FYN: variants seen among roughly 807,000 people sequenced by gnomAD.
The protein encoded by FYN is tyrosine-protein kinase Fyn.
FYN carries 10 observed loss-of-function variants against 70.2 expected under a neutral mutation model. The ratio of observed to expected loss-of-function variants is 0.14; its 90% confidence interval spans 0.09 to 0.24. FYN has a LOEUF of 0.24. Ranked by LOEUF, FYN falls within the 10% of genes least tolerant of loss-of-function variation. The probability of loss-of-function intolerance (pLI) is 1.00; values close to 1 mark genes in which losing one functional copy is unlikely to be tolerated. For synonymous variants in FYN, 236 were observed against 248.6 expected (o/e 0.95, Z 0.48); for missense variants, 319 against 673.1 (o/e 0.47, Z 5.82).
At chr6:111,670,682 G>A (rs981191253) in intron 13 of FYN, among the ~76,000 whole-genome samples, 2 of 151,194 alleles carry the variant, frequency 1.3e-5, no homozygotes, top group Admixed American at 6.6e-5. Flanking sequence ...GGGAAGCCGT[G>A]GACGTTTTTA....
intron 12 of FYN, among the ~76,000 whole-genome samples, chr6:111,678,106 A>ATGTGTGTGTGTGTGTGTGTGTGTGTGTG (rs201367268): frequency 1.7e-5 from 2 of 118,552 alleles, no homozygotes; most frequent in African/African-American, 8.7e-5. Context: ...GAAGGCCATA[A>ATGTGTGTGTGTGTGTGTGTGTGTGTGTG]TATGTGTGTG....
chr6:111,770,039 T>C (rs1012412895), intron 3 of FYN, among the ~76,000 whole-genome samples: 1 of 152,104 alleles, frequency 6.6e-6, no homozygotes, highest in Admixed American at 6.5e-5. Context: ...CTCTTGAGAT[T>C]TAAATTAAAG....
intron 2 of FYN, among the ~76,000 whole-genome samples, chr6:111,833,668 C>G (rs1773091415): frequency 6.6e-6 from 1 of 152,344 alleles, no homozygotes; most frequent in East Asian, 1.9e-4. Context: ...TTCCCCAGCT[C>G]TCCACATTTC....
At chr6:111,733,746 C>T (rs934250690) in intron 3 of FYN, among the ~76,000 whole-genome samples, 2 of 152,296 alleles carry the variant, frequency 1.3e-5, no homozygotes, top group South Asian at 2.1e-4. Flanking sequence ...TGGCACAAAG[C>T]GTGTCACTCT....
At chr6:111,839,498 T>G (rs1773289652) in intron 2 of FYN, among the ~76,000 whole-genome samples, 2 of 152,110 alleles carry the variant, frequency 1.3e-5, no homozygotes. Context: ...TGCATCAGTA[T>G]AGCCTATACT....
chr6:111,703,207 A>C (rs1799921530), intron 7 of FYN, among the ~76,000 whole-genome samples, 173 bp from the exon 8 acceptor site: 1 of 152,206 alleles, frequency 6.6e-6, no homozygotes, highest in Non-Finnish European at 1.5e-5. Flanking sequence ...TGTTCTGCAA[A>C]TGTCAGAATA....
chr6:111,806,236 C>T (rs769020743), intron 2 of FYN, among the ~76,000 whole-genome samples: 2 of 152,148 alleles, frequency 1.3e-5, no homozygotes, highest in Non-Finnish European at 2.9e-5. Flanking sequence ...GGAACCTGGA[C>T]GTTGGTCAAA....
chr6:111,801,038 T>C (rs1160327555), intron 2 of FYN, among the ~76,000 whole-genome samples: 2 of 152,350 alleles, frequency 1.3e-5, no homozygotes, highest in East Asian at 3.9e-4. Context: ...GAAGGACCTC[T>C]GCCAACAAAT....
At chr6:111,859,188 C>G (rs1001501599) in intron 1 of FYN, among the ~76,000 whole-genome samples, 6 of 152,190 alleles carry the variant, frequency 3.9e-5, no homozygotes, top group African/African-American at 1.4e-4. Context: ...AGCTCACGCC[C>G]CTTCCAGCCT....
intron 2 of FYN, among the ~76,000 whole-genome samples, chr6:111,791,591 A>T (rs2128513981): frequency 6.6e-6 from 1 of 152,316 alleles, no homozygotes; most frequent in Non-Finnish European, 1.5e-5. Context: ...ACAGAGACAG[A>T]GGTCAGAGCA....
chr6:111,742,877 T>C (rs1319550233), intron 3 of FYN, among the ~76,000 whole-genome samples: 2 of 152,126 alleles, frequency 1.3e-5, no homozygotes. Context: ...AACCAATGAG[T>C]TACAATTTGT....
At chr6:111,752,496 G>C (rs1802534134) in intron 3 of FYN, among the ~76,000 whole-genome samples, 1 of 152,232 alleles carries the variant, frequency 6.6e-6, no homozygotes, top group African/African-American at 2.4e-5. Flanking sequence ...GAGACATTTT[G>C]TTGTTTGAGA....
intron 5 of FYN, among the ~76,000 whole-genome samples, chr6:111,713,283 T>G (rs1038715713): frequency 6.6e-6 from 1 of 152,174 alleles, no homozygotes; most frequent in South Asian, 2.1e-4. Flanking sequence ...CACTCCTCTT[T>G]CCTGGGATGT....
intron 3 of FYN, among the ~76,000 whole-genome samples, chr6:111,742,136 G>T (rs1375718937): frequency 6.6e-6 from 1 of 152,166 alleles, no homozygotes; most frequent in Non-Finnish European, 1.5e-5. Context: ...CATTGTGCGG[G>T]ATGGTCTACA....
At chr6:111,685,091 C>T (rs1182274089) in intron 12 of FYN, among the ~76,000 whole-genome samples, 4 of 152,190 alleles carry the variant, frequency 2.6e-5, no homozygotes, top group Non-Finnish European at 5.9e-5. Context: ...GCTATGTTTG[C>T]GGACTTTCAA....
intron 2 of FYN, among the ~76,000 whole-genome samples, chr6:111,793,335 G>A (rs1034691948): frequency 9.2e-5 from 14 of 151,926 alleles, no homozygotes. Flanking sequence ...TTAAAGTGAA[G>A]TTTCGGATAT....
intron 3 of FYN, among the ~76,000 whole-genome samples, chr6:111,735,563 C>A (rs1194103805): frequency 6.6e-6 from 1 of 152,130 alleles, no homozygotes; most frequent in Non-Finnish European, 1.5e-5. Context: ...AGCATTTGCA[C>A]ATTATACAAC....
chr6:111,761,975 T>G (rs1377954146), intron 3 of FYN, among the ~76,000 whole-genome samples: 8 of 151,734 alleles, frequency 5.3e-5, no homozygotes, highest in Admixed American at 2.0e-4. Context: ...CATGGAGGAG[T>G]GTGGGTGGCT....
chr6:111,745,856 C>G (rs1306193478), intron 3 of FYN, among the ~76,000 whole-genome samples: 1 of 152,216 alleles, frequency 6.6e-6, no homozygotes, highest in Non-Finnish European at 1.5e-5. Flanking sequence ...AGTGAATACA[C>G]TTATACCTTC....
Sources: gnomAD v4.1 joint callset for allele counts (sites outside exome capture counted in the v4.1 genomes callset) on GRCh38, gnomAD v4.1.1 for gene constraint, MANE v1.5 for transcripts, NCBI Gene and HGNC (gene_info 2026-07-23, HGNC 2026-07-21) for gene names.